The following WDR27 variants were observed in gnomAD, a reference collection of about 807,000 sequenced individuals.
WDR27 encodes the protein WD repeat-containing protein 27.
A neutral mutation model predicts 114.4 loss-of-function variants in WDR27; 100 were observed. That is an observed-to-expected ratio of 0.87 (90% CI 0.74 to 1.03). The LOEUF (loss-of-function observed/expected upper bound fraction) is 1.03. WDR27 is among the 50% of genes least tolerant of loss of function. The pLI, the probability that WDR27 is intolerant of heterozygous loss-of-function variation, is 0.00. For missense variants in WDR27, 1,129 were observed against 1,092.9 expected, an observed-to-expected ratio of 1.03 and a Z score of -0.47; for synonymous variants, 449 against 423.1, an observed-to-expected ratio of 1.06 and a Z score of -0.75.
intron 22 of WDR27, 78 bp downstream of exon 22, chr6:169,613,481 A>G (rs540039146): frequency 8.3e-7 from 1 of 1,205,220 alleles, no homozygotes; most frequent in East Asian, 2.4e-5. Flanking sequence ...ACCTCATCAC[A>G]TTCGGAAAAG....
At chr6:169,664,065 G>A (rs1827102521) in intron 8 of WDR27, 101 bp downstream of exon 8, 2 of 1,124,822 alleles carry the variant, frequency 1.8e-6, no homozygotes, top group Non-Finnish European at 2.5e-6. Flanking sequence ...CTCCTACATT[G>A]GGATCTCTCT....
chr6:169,507,139 T>C (rs1030900154), intron 25 of WDR27, among the ~76,000 whole-genome samples: 4 of 152,236 alleles, frequency 2.6e-5, no homozygotes, highest in Non-Finnish European at 5.9e-5. Context: ...TTTTCCAAAT[T>C]CTACTTTGTG....
chr6:169,612,911 G>GTAAAA (rs1367432901), intron 22 of WDR27, among the ~76,000 whole-genome samples: 1 of 152,060 alleles, frequency 6.6e-6, no homozygotes, highest in Non-Finnish European at 1.5e-5. Context: ...AATAATAATA[G>GTAAAA]TAAACAAACC....
chr6:169,515,500 G>A (rs898037804), intron 25 of WDR27, among the ~76,000 whole-genome samples: 44 of 152,090 alleles, frequency 2.9e-4, no homozygotes, highest in African/African-American at 1.1e-3. Flanking sequence ...TGTTTTGTAT[G>A]AATTTCATAA....
chr6:169,567,086 G>A (rs913436785), intron 25 of WDR27, among the ~76,000 whole-genome samples: 9 of 152,310 alleles, frequency 5.9e-5, no homozygotes, highest in African/African-American at 1.9e-4. Context: ...GCAGCAGCCC[G>A]AGCCAGGTGG....
At chr6:169,528,156 A>G (rs1341796201) in intron 25 of WDR27, among the ~76,000 whole-genome samples, 1 of 152,246 alleles carries the variant, frequency 6.6e-6, no homozygotes, top group Admixed American at 6.5e-5. Context: ...AAAGTTAGAA[A>G]CATATTAATA....
intron 1 of WDR27, among the ~76,000 whole-genome samples, chr6:169,696,545 G>T (rs1786054114): frequency 6.6e-6 from 1 of 152,174 alleles, no homozygotes; most frequent in Non-Finnish European, 1.5e-5. Context: ...AGAGCCCACG[G>T]TCATAGGAGA....
the WDR27 span, among the ~76,000 whole-genome samples, chr6:169,435,286 A>G: frequency 4.6e-5 from 7 of 152,244 alleles, no homozygotes; most frequent in Admixed American, 1.3e-4. Context: ...AGGGCAGTGC[A>G]GAAGGGAAAT....
intron 25 of WDR27, among the ~76,000 whole-genome samples, chr6:169,476,825 T>C (rs371687894): frequency 3.7e-4 from 56 of 152,354 alleles, no homozygotes; most frequent in African/African-American, 1.3e-3. Context: ...TTAGTTATAA[T>C]AGCATAATAA....
In WDR27 at chr6:169,665,325, T is replaced by C. The variant is rs1257965087; in HGVS notation, c.783+161A>G. 2.3e-5 allele frequency: 32 copies of C among 1,405,906 alleles called. No individual in the cohort carries two copies. In the East Asian group the frequency reaches 7.6e-4, roughly 33 times the overall value. The allele number at this position is 1,405,906 out of a possible 1,614,324, so 87.1% of individuals were successfully genotyped here. On this transcript the variant is annotated intron_variant, in intron 7 of 25. Transcript: ENST00000448612. ...GCCCAGGACCATATTGAACCCACAGTGACGCTGAGACCCACAGAAGGTCAC... is the reference window on the plus strand; with the variant it reads ...GCCCAGGACCATATTGAACCCACAGCGACGCTGAGACCCACAGAAGGTCAC...
At chr6:169,688,086 G>A (rs1042177003) in intron 2 of WDR27, among the ~76,000 whole-genome samples, 1 of 152,052 alleles carries the variant, frequency 6.6e-6, no homozygotes. Flanking sequence ...AAAGGATAAA[G>A]TGTCTATTTA....
intron 25 of WDR27, among the ~76,000 whole-genome samples, chr6:169,567,122 G>A (rs1280422987): frequency 6.6e-6 from 1 of 152,184 alleles, no homozygotes; most frequent in Non-Finnish European, 1.5e-5. Flanking sequence ...CTTTGGAAAT[G>A]AGTCAGGCAC....
chr6:169,612,121 G>A (rs1046186500), intron 22 of WDR27, among the ~76,000 whole-genome samples: 3 of 151,868 alleles, frequency 2.0e-5, no homozygotes, highest in African/African-American at 7.3e-5. Context: ...CGGTGACAGA[G>A]CAAGACTCCA....
chr6:169,639,386 G>C (rs1271531285), intron 17 of WDR27, among the ~76,000 whole-genome samples: 2 of 151,970 alleles, frequency 1.3e-5, no homozygotes, highest in Non-Finnish European at 2.9e-5. Context: ...ATAACATTTA[G>C]TATTATGAAC....
intron 1 of WDR27, among the ~76,000 whole-genome samples, chr6:169,701,040 TAAGTCAGTAAACAC>T (rs1175306410): frequency 6.6e-6 from 1 of 152,158 alleles, no homozygotes. Context: ...GTCTTAAAGT[TAAGTCAGTAAACAC>T]AAGATAGTAA....
intron 23 of WDR27, among the ~76,000 whole-genome samples, chr6:169,600,534 C>T (rs568510688): frequency 1.2e-4 from 18 of 152,160 alleles, no homozygotes; most frequent in African/African-American, 3.4e-4. Context: ...GGAGGAAGTT[C>T]GAACCCATGG....
At chr6:169,444,541 C>T in the WDR27 span, among the ~76,000 whole-genome samples, 1,336 of 152,276 alleles carry the variant, frequency 8.8e-3, 17 homozygotes, top group African/African-American at 0.03. Flanking sequence ...AGGGGCCACA[C>T]GTCTGAGGCC....
At chr6:169,681,321 A>T (rs772513432) in intron 2 of WDR27, among the ~76,000 whole-genome samples, 2 of 152,208 alleles carry the variant, frequency 1.3e-5, no homozygotes, top group African/African-American at 2.4e-5. Context: ...TAACCCACTC[A>T]TATCTCCCGA....
At chr6:169,629,171 C>T (rs1246766959) in intron 21 of WDR27, among the ~76,000 whole-genome samples, 3 of 152,074 alleles carry the variant, frequency 2.0e-5, no homozygotes, top group African/African-American at 7.2e-5. Context: ...AATTGGTTAG[C>T]TAAAGTTAAA....
Sources: allele counts gnomAD v4.1 joint callset (sites outside exome capture counted in the v4.1 genomes callset), GRCh38; gene constraint gnomAD v4.1.1; transcripts MANE v1.5; gene names NCBI Gene and HGNC (gene_info 2026-07-23, HGNC 2026-07-21).